Variants in DDIAS observed in about 807,000 individuals in gnomAD.
DDIAS encodes the protein DNA damage-induced apoptosis suppressor protein.
DDIAS carries 14 observed loss-of-function variants against 15.7 expected under a neutral mutation model. The observed-to-expected ratio is 0.89, with a 90% CI of 0.59 to 1.39. The LOEUF (loss-of-function observed/expected upper bound fraction) is 1.39. Among genes scored for constraint, DDIAS ranks in the 40% most tolerant of loss-of-function variants. The probability of loss-of-function intolerance (pLI) is 0.00; values close to 1 mark genes in which losing one functional copy is unlikely to be tolerated. For missense variants in DDIAS, 1,035 were observed against 1,130.9 expected (o/e 0.92, Z 1.22); for synonymous variants, 355 against 395.9 (o/e 0.90, Z 1.23).
rs759944207 is a variant in DDIAS, at chr11:82,933,191, C to T, written c.1853C>T (p.Ser618Phe). The T allele has an allele frequency of 2.5e-6, 4 of 1,612,298 alleles. No homozygotes were observed. The highest frequency in any genetic ancestry group is 3.4e-6 in the Non-Finnish European group (4 of 1,179,812). ...GAAAATAAACAATATTGTAGGTGGT[C>T]CAAGAACCAAGATGACAGTTTTACA... ...KLENKQYCRW[S>F]KNQDDSFTIC... is the part of the protein sequence containing the mutation. The change falls in exon 6 of 6, where the codon TCC (serine) becomes TTC (phenylalanine). Residue 618 changes from serine (S) to phenylalanine (F), a missense_variant. Physicochemically the swap from Ser to Phe is radical, Grantham distance 155 (BLOSUM62 -2). Coordinates refer to ENST00000533655, the MANE Select transcript of DDIAS (RefSeq NM_145018.4).
chr11:82,910,826 A>G (rs530535606), intron 1 of DDIAS, among the ~76,000 whole-genome samples: 3 of 152,002 alleles, frequency 2.0e-5, no homozygotes, highest in African/African-American at 7.2e-5. Context: ...CGTGTTGCCC[A>G]GGCTGAATTT....
intron 1 of DDIAS, among the ~76,000 whole-genome samples, chr11:82,906,433 GGC>G (rs1425609170): frequency 4.6e-5 from 7 of 152,054 alleles, no homozygotes; most frequent in African/African-American, 1.7e-4. Flanking sequence ...AATAAGTGCT[GGC>G]ACAATTAATT....
intron 1 of DDIAS, among the ~76,000 whole-genome samples, chr11:82,902,392 C>A (rs11825469): frequency 0.043 from 6,571 of 151,850 alleles, 203 homozygotes; most frequent in African/African-American, 0.086. Context: ...GTAACCCCCC[C>A]CTCCCCCGCC....
chr11:82,931,479 G>A (rs1860983186), intron 5 of DDIAS, among the ~76,000 whole-genome samples: 1 of 152,088 alleles, frequency 6.6e-6, no homozygotes, highest in South Asian at 2.1e-4. Flanking sequence ...AGCCTCCTGA[G>A]TAGCTGAGAC....
At chr11:82,929,576 G>A (rs572828800) in intron 4 of DDIAS, among the ~76,000 whole-genome samples, 2 of 151,860 alleles carry the variant, frequency 1.3e-5, no homozygotes, top group African/African-American at 2.4e-5. Context: ...GGTGGTGGGC[G>A]CCTGTAGTCC....
chr11:82,931,972 A>G lies in DDIAS; in HGVS notation c.634A>G (p.Ser212Gly), dbSNP rs1860997953. The G allele has an allele frequency of 6.2e-7, 1 of 1,614,120 alleles. No homozygotes were observed. The highest frequency in any genetic ancestry group is 8.5e-7 in the Non-Finnish European group (1 of 1,179,984). Residue 212 changes from serine (S) to glycine (G), a missense_variant, in exon 6 of 6, where the codon AGT (serine) becomes GGT (glycine). Coordinates refer to ENST00000533655, the MANE Select transcript of DDIAS (RefSeq NM_145018.4). ...CTTACTTGCTTTAGATCACTCAAATAGTGATCTCAGCAGCATATATACTTC... is the reference window on the plus strand; with the variant it reads ...CTTACTTGCTTTAGATCACTCAAATGGTGATCTCAGCAGCATATATACTTC... ...NHLLALDHSN[S>G]DLSSIYTSDS...
intron 5 of DDIAS, among the ~76,000 whole-genome samples, chr11:82,931,359 A>AT (rs1351052224): frequency 3.3e-5 from 5 of 151,874 alleles, no homozygotes; most frequent in African/African-American, 1.2e-4. Context: ...TGTTTATTTT[A>AT]TTTTATTTTT....
Position 82,906,939 on chromosome 11 carries a change from A to G in DDIAS, c.-117+5117A>G, listed in dbSNP as rs73508442. 2.5e-3 allele frequency among the ~76,000 whole-genome samples: 380 copies of G among 152,286 alleles called. 4 individuals carry two copies. Among genetic ancestry groups the G allele is most frequent in the African/African-American group, 8.5e-3 (355 of 41,560 alleles). ...TTAATATCTGAAGTTCAGATTGACA[A>G]TTTCTGAGCTTGGCACTGAAGATAT... On this transcript the variant is annotated intron_variant, in intron 1 of 5. Coordinates refer to ENST00000533655, the MANE Select transcript of DDIAS (RefSeq NM_145018.4).
Position 82,928,952 on chromosome 11 carries a change from A to G in DDIAS, c.275+14A>G, listed in dbSNP as rs1860926784. 6.3e-7 allele frequency: 1 copy of G among 1,591,242 alleles called. No individual in the cohort carries two copies. Among genetic ancestry groups the G allele is most frequent in the African/African-American group, 1.4e-5 (1 of 73,306 alleles). On this transcript the variant is annotated intron_variant, in intron 4 of 5. Transcript: ENST00000533655. ...TGGTTTGCACAGGTAAGAATACTTA[A>G]AACATCCTTTTTCCTGACTGCCCTT...
chr11:82,925,445 A>T (rs1329090464), intron 3 of DDIAS, among the ~76,000 whole-genome samples: 2 of 152,178 alleles, frequency 1.3e-5, no homozygotes, highest in Admixed American at 6.5e-5. Context: ...AAAAAAATTT[A>T]AAATTAGCCA....
chr11:82,907,901 G>T (rs534333432), intron 1 of DDIAS, among the ~76,000 whole-genome samples: 1 of 152,136 alleles, frequency 6.6e-6, no homozygotes, highest in East Asian at 1.9e-4. Flanking sequence ...AAGCACTGGG[G>T]TTACAGTAGA....
At chr11:82,927,694 AAG>A (rs1860891546) in intron 3 of DDIAS, among the ~76,000 whole-genome samples, 1 of 152,250 alleles carries the variant, frequency 6.6e-6, no homozygotes, top group Non-Finnish European at 1.5e-5. Flanking sequence ...GGTGGACATT[AAG>A]AACCTGAAAG....
chr11:82,932,969 C>A lies in DDIAS; in HGVS notation c.1631C>A (p.Ser544Ter), dbSNP rs561618895. ...LPNPYLSALS[S>*]SSKDLETIVT... Reference sequence around the variant, plus strand: ...AATCCTTACCTGTCAGCTCTGTCTTCATCTTCAAAAGATTTAGAAACAATA... The same window carrying A: ...AATCCTTACCTGTCAGCTCTGTCTTAATCTTCAAAAGATTTAGAAACAATA... The change falls in exon 6 of 6, where the codon TCA becomes TAA. Residue 544 changes from serine to a stop codon, truncating the protein, a stop_gained. Coordinates refer to ENST00000533655, the MANE Select transcript of DDIAS (RefSeq NM_145018.4). LOFTEE classifies it low-confidence loss of function (END_TRUNC). The A allele has an allele frequency of 1.2e-5, 20 of 1,612,448 alleles. No homozygotes were observed. In the South Asian group the frequency reaches 2.1e-4, roughly 17 times the overall value.
At chr11:82,903,502 A>C (rs1860366620) in intron 1 of DDIAS, among the ~76,000 whole-genome samples, 1 of 152,200 alleles carries the variant, frequency 6.6e-6, no homozygotes, top group African/African-American at 2.4e-5. Context: ...TATCGTACTA[A>C]GATTTTCCTG....
At chr11:82,928,136 T>TATAA (rs1274262495) in intron 3 of DDIAS, among the ~76,000 whole-genome samples, 2 of 150,102 alleles carry the variant, frequency 1.3e-5, no homozygotes, top group Non-Finnish European at 3.0e-5. Context: ...GTGCTTTGTG[T>TATAA]ATAAATAGGT....
intron 3 of DDIAS, among the ~76,000 whole-genome samples, chr11:82,923,113 C>G (rs1485466676): frequency 6.6e-6 from 1 of 152,168 alleles, no homozygotes; most frequent in Non-Finnish European, 1.5e-5. Flanking sequence ...CAGGAGCAGT[C>G]CACTTCCTTC....
intron 1 of DDIAS, among the ~76,000 whole-genome samples, chr11:82,909,915 G>T (rs1860493999): frequency 6.6e-6 from 1 of 152,146 alleles, no homozygotes; most frequent in East Asian, 1.9e-4. Context: ...ATTACCTTGA[G>T]TGGCAAGATT....
At position 82,932,075 on chromosome 11, in the gene DDIAS, C is replaced by T. The variant is rs549551293; in HGVS notation, c.737C>T (p.Thr246Ile). Residue 246 changes from threonine (T) to isoleucine (I), a missense_variant, in exon 6 of 6, where the codon ACT becomes ATT. Physicochemically the swap from Thr to Ile is moderately conservative, Grantham distance 89. Coordinates refer to ENST00000533655, the MANE Select transcript of DDIAS (RefSeq NM_145018.4). The part of the protein sequence containing the change: ...SKFWQPSLEF[T>I]CIVSQLTDND... Reference sequence around the variant, plus strand: ...TTCTGGCAGCCATCACTTGAATTCACTTGCATTGTTTCACAACTAACAGAT... The same window carrying T: ...TTCTGGCAGCCATCACTTGAATTCATTTGCATTGTTTCACAACTAACAGAT... 1.9e-6 allele frequency: 3 copies of T among 1,614,114 alleles called. No individual in the cohort carries two copies. Among genetic ancestry groups the T allele is most frequent in the South Asian group, 2.2e-5 (2 of 91,082 alleles).
chr11:82,918,607 C>G (rs1860679987), intron 3 of DDIAS, among the ~76,000 whole-genome samples: 1 of 152,148 alleles, frequency 6.6e-6, no homozygotes. Context: ...TTTTCTAATT[C>G]TGTGAAGAAT....
Sources: gnomAD v4.1 joint callset for allele counts (sites outside exome capture counted in the v4.1 genomes callset) on GRCh38, gnomAD v4.1.1 for gene constraint, MANE v1.5 for transcripts, NCBI Gene and HGNC (gene_info 2026-07-23, HGNC 2026-07-21) for gene names.